The following RNF4 variants were observed in gnomAD, a reference collection of about 807,000 sequenced individuals.
RNF4 encodes E3 ubiquitin-protein ligase RNF4.
Under a neutral mutation model 24.3 loss-of-function variants are expected in RNF4, and 7 were observed. That is an observed-to-expected ratio of 0.29 (90% confidence interval 0.16 to 0.54). The LOEUF (loss-of-function observed/expected upper bound fraction) is 0.54. RNF4 is among the 20% of genes least tolerant of loss of function. The probability of loss-of-function intolerance (pLI) is 0.95; values close to 1 mark genes in which losing one functional copy is unlikely to be tolerated. For synonymous variants in RNF4, 83 were observed against 84.3 expected, an observed-to-expected ratio of 0.98 and a Z score of 0.09; for missense variants, 209 against 248.5, an observed-to-expected ratio of 0.84 and a Z score of 1.07.
In RNF4 at chr4:2,514,024, C is replaced by A. The variant is rs1736343356; in HGVS notation, c.*205C>A. ...TGGACCCAGGGCCCTCCCAGGCCAT[C>A]TCTGTTCCTCTGGGGTGGTCCAGTT... On this transcript the variant is annotated 3_prime_UTR_variant, in exon 8 of 8. Coordinates refer to ENST00000314289, the MANE Select transcript of RNF4 (RefSeq NM_002938.5). The A allele has an allele frequency of 3.2e-6, 2 of 632,330 alleles. No individual in the cohort carries two copies. Among genetic ancestry groups the A allele is most frequent in the Non-Finnish European group, 2.7e-6 (1 of 371,828 alleles). The allele number at this position is 632,330 out of a possible 1,614,324, so 39.2% of individuals were successfully genotyped here.
At chr4:2,497,144 A>G (rs1370716311) in intron 3 of RNF4, 23 bp downstream of exon 3, 1 of 1,551,866 alleles carries the variant, frequency 6.4e-7, no homozygotes, top group Non-Finnish European at 8.8e-7. Context: ...GGGACACTAC[A>G]ACTGTGGGGT....
At chr4:2,488,588 G>C (rs1179437153) in intron 1 of RNF4, among the ~76,000 whole-genome samples, 1 of 152,210 alleles carries the variant, frequency 6.6e-6, no homozygotes, top group Admixed American at 6.5e-5. Context: ...GTGCTGTGGG[G>C]CTGAGTGTGG....
chr4:2,481,536 C>T (rs1371418810), intron 1 of RNF4, among the ~76,000 whole-genome samples: 1 of 152,106 alleles, frequency 6.6e-6, no homozygotes, highest in East Asian at 1.9e-4. Flanking sequence ...TTGCAATATT[C>T]TTGGATATTT....
chr4:2,501,447 C>T (rs1291311705), intron 4 of RNF4, among the ~76,000 whole-genome samples: 1 of 150,854 alleles, frequency 6.6e-6, no homozygotes, highest in East Asian at 1.9e-4. Flanking sequence ...TGCCTGTGTC[C>T]CTGTCTCATG....
intron 1 of RNF4, among the ~76,000 whole-genome samples, chr4:2,486,963 T>C (rs1735430695): frequency 2.0e-5 from 3 of 152,222 alleles, no homozygotes; most frequent in South Asian, 2.1e-4. Flanking sequence ...CCAGGACATG[T>C]GGTGGATCTG....
intron 3 of RNF4, among the ~76,000 whole-genome samples, chr4:2,500,358 G>A (rs1162472130): frequency 1.3e-5 from 2 of 152,206 alleles, no homozygotes; most frequent in South Asian, 2.1e-4. Context: ...GGGCACAGAG[G>A]CATAGCCGTG....
chr4:2,477,453 T>C (rs1230865466), intron 1 of RNF4, among the ~76,000 whole-genome samples: 1 of 152,088 alleles, frequency 6.6e-6, no homozygotes, highest in Non-Finnish European at 1.5e-5. Context: ...GACATGGTGG[T>C]ACATGCCTGT....
At chr4:2,492,348 C>G (rs1735607558) in intron 2 of RNF4, among the ~76,000 whole-genome samples, 1 of 152,204 alleles carries the variant, frequency 6.6e-6, no homozygotes, top group Admixed American at 6.5e-5. Context: ...TTTATCACAT[C>G]TGTGAGACAG....
At chr4:2,500,039 T>C (rs1445496092) in intron 3 of RNF4, among the ~76,000 whole-genome samples, 1 of 149,756 alleles carries the variant, frequency 6.7e-6, no homozygotes, top group African/African-American at 2.5e-5. Flanking sequence ...GCGCCTGTAA[T>C]CCCAACTACT....
At chr4:2,504,726 ATTTTTTT>A (rs1182588172) in intron 4 of RNF4, among the ~76,000 whole-genome samples, 1 of 61,126 alleles carries the variant, frequency 1.6e-5, no homozygotes, top group African/African-American at 6.1e-5. Flanking sequence ...CATTTTTTGT[ATTTTTTT>A]TTTTTTTTTT....
At chr4:2,488,808 C>T (rs1321950804) in intron 1 of RNF4, among the ~76,000 whole-genome samples, 3 of 139,360 alleles carry the variant, frequency 2.2e-5, no homozygotes, top group East Asian at 2.1e-4. Flanking sequence ...ATTTTATTTT[C>T]ATTTTTTATT....
chr4:2,489,568 A>G (rs1735519233), intron 1 of RNF4, among the ~76,000 whole-genome samples: 2 of 152,174 alleles, frequency 1.3e-5, no homozygotes, highest in Admixed American at 6.5e-5. Flanking sequence ...AGCCTGATAC[A>G]GGCTCATGCT....
chr4:2,512,029 G>A lies in RNF4; in HGVS notation c.214+64G>A, dbSNP rs745369954. On this transcript the variant is annotated intron_variant, in intron 5 of 7. Coordinates refer to ENST00000314289, the MANE Select transcript of RNF4 (RefSeq NM_002938.5). The surrounding 1 kb of genome is among the most constrained non-coding windows in gnomAD (Gnocchi z 4.1). Reference sequence around the variant, plus strand: ...GGAAACTGGCATAGGTGAGAGCCGCGGTGCTGCAGGTCTTGCCAGACCATC... The same window carrying A: ...GGAAACTGGCATAGGTGAGAGCCGCAGTGCTGCAGGTCTTGCCAGACCATC... The A allele has an allele frequency of 1.5e-5, 22 of 1,494,472 alleles. No individual in the cohort carries two copies. Among genetic ancestry groups the A allele is most frequent in the African/African-American group, 1.4e-4 (10 of 72,496 alleles). The allele number at this position is 1,494,472 out of a possible 1,614,324, so 92.6% of individuals were successfully genotyped here. A position where few individuals can be genotyped will look rare whatever the true frequency, so the allele number is the denominator to read the frequency against.
intron 1 of RNF4, among the ~76,000 whole-genome samples, chr4:2,484,742 C>A (rs1173663812): frequency 6.6e-6 from 1 of 152,082 alleles, no homozygotes; most frequent in Non-Finnish European, 1.5e-5. Context: ...GCCCCAAAGC[C>A]CTTCCAGCTT....
At chr4:2,492,252 C>G (rs1323304129) in intron 2 of RNF4, among the ~76,000 whole-genome samples, 1 of 151,996 alleles carries the variant, frequency 6.6e-6, no homozygotes, top group African/African-American at 2.4e-5. Context: ...ACTTTATTAC[C>G]CAGGCTGATC....
chr4:2,475,617 C>T (rs1437457860), intron 1 of RNF4, among the ~76,000 whole-genome samples: 5 of 152,148 alleles, frequency 3.3e-5, no homozygotes, highest in African/African-American at 7.2e-5. Context: ...GGATTACAGG[C>T]GTGAGCCACC....
intron 1 of RNF4, among the ~76,000 whole-genome samples, chr4:2,487,486 A>G (rs535116955): frequency 1.6e-4 from 24 of 152,232 alleles, no homozygotes; most frequent in Admixed American, 1.4e-3. Context: ...GGGTTTCGCC[A>G]TGTTGGCCAA....
At chr4:2,484,808 G>A (rs1412611565) in intron 1 of RNF4, among the ~76,000 whole-genome samples, 1 of 152,064 alleles carries the variant, frequency 6.6e-6, no homozygotes, top group Non-Finnish European at 1.5e-5. Context: ...GAGCCTCATG[G>A]CTTTCTTCTC....
intron 4 of RNF4, among the ~76,000 whole-genome samples, chr4:2,504,158 G>A (rs1354816955): frequency 6.6e-6 from 1 of 152,172 alleles, no homozygotes; most frequent in East Asian, 1.9e-4. Flanking sequence ...TGAAAAATGC[G>A]GTAAGATGCA....
Sources: gnomAD v4.1 joint callset for allele counts (sites outside exome capture counted in the v4.1 genomes callset) on GRCh38, gnomAD v4.1.1 for gene constraint, Gnocchi (gnomAD v3.1) non-coding constraint, MANE v1.5 for transcripts, NCBI Gene and HGNC (gene_info 2026-07-23, HGNC 2026-07-21) for gene names.